The following MCF2L variants were observed in gnomAD, a reference collection of about 807,000 sequenced individuals.
MCF2L encodes guanine nucleotide exchange factor DBS.
MCF2L carries 97 observed loss-of-function variants against 153.4 expected under a neutral mutation model. The observed-to-expected ratio is 0.63, with a 90% CI of 0.54 to 0.75. The LOEUF is 0.75. Among genes scored for constraint, MCF2L ranks in the 30% least tolerant of loss-of-function variants. The pLI is 0.00. For missense variants in MCF2L, 1,347 were observed against 1,495.2 expected (o/e 0.90, Z 1.64); for synonymous variants, 659 against 632.2 (o/e 1.04, Z -0.64).
Position 113,014,777 on chromosome 13 carries a change from C to T in MCF2L, c.94C>T (p.Gln32Ter). ...VSKHTDEIMH[Q>*]DIVPLCAADI... ...TTTCCGTGCAGATGAAATCATGCAC[C>T]AGGACATCGTCCCGCTCTGTGCTGC... is the stretch of plus-strand genomic sequence containing the variant. The change falls in exon 2 of 30, where the codon CAG becomes TAG. Residue 32 changes from glutamine to a stop codon, truncating the protein, a stop_gained. Coordinates refer to ENST00000535094, the MANE Select transcript of MCF2L (RefSeq NM_001112732.3). LOFTEE classifies it high-confidence loss of function. 6.2e-7 allele frequency: 1 copy of T among 1,613,952 alleles called. No homozygotes were observed. Among genetic ancestry groups the T allele is most frequent in the Non-Finnish European group, 8.5e-7 (1 of 1,179,952 alleles).
intron 2 of MCF2L, among the ~76,000 whole-genome samples, chr13:112,923,257 C>CTTTTTTTTTTTTTTTTT (rs57030206): frequency 1.3e-5 from 1 of 78,446 alleles, no homozygotes; most frequent in African/African-American, 5.2e-5. Flanking sequence ...GTGTTTGCTT[C>CTTTTTTTTTTTTTTTTT]TTTTTTTTTT....
intron 1 of MCF2L, among the ~76,000 whole-genome samples, chr13:112,989,099 CTACCACACCGGAGTCCTCCCTGAGCAGGG>C (rs1397020507): frequency 0.036 from 3,540 of 97,422 alleles, 1,058 homozygotes; most frequent in Non-Finnish European, 0.039. Context: ...GGGGATGGAG[CTACCACACCGGAGTCCTCCCTGAGCAGGG>C]GATGGAGCTA....
intron 18 of MCF2L, 83 bp from the exon 19 acceptor site, chr13:113,084,809 C>T (rs1182532977): frequency 3.0e-6 from 3 of 1,015,704 alleles, no homozygotes; most frequent in East Asian, 2.4e-5. Flanking sequence ...CGTCCCTCAC[C>T]GCGTAATGCG....
chr13:112,902,409 G>A, intron 2 of MCF2L: 3 of 1,598,916 alleles, frequency 1.9e-6, no homozygotes, highest in Admixed American at 1.7e-5. Flanking sequence ...TGATTTTGCA[G>A]GTCTCACTGC....
intron 1 of MCF2L, among the ~76,000 whole-genome samples, chr13:112,974,197 G>T (rs2082142137): frequency 6.6e-6 from 1 of 152,182 alleles, no homozygotes; most frequent in African/African-American, 2.4e-5. Context: ...CTAAGGGTAA[G>T]ACCACCTTCT....
At chr13:113,073,653 A>G (rs1018121167) in intron 9 of MCF2L, among the ~76,000 whole-genome samples, 3 of 152,218 alleles carry the variant, frequency 2.0e-5, no homozygotes, top group Non-Finnish European at 2.9e-5. Context: ...GGTGGCTCAC[A>G]CCTGTAATCC....
intron 1 of MCF2L, among the ~76,000 whole-genome samples, chr13:112,998,362 C>T (rs907508923): frequency 3.3e-5 from 5 of 152,070 alleles, no homozygotes; most frequent in Non-Finnish European, 7.4e-5. Flanking sequence ...CCAGGCCAAG[C>T]GTGAGGAGGC....
chr13:112,935,089 C>T (rs1318068673), intron 2 of MCF2L, among the ~76,000 whole-genome samples: 1 of 152,164 alleles, frequency 6.6e-6, no homozygotes, highest in Admixed American at 6.5e-5. Context: ...GGGGCACTGC[C>T]AATGTATGTA....
chr13:112,952,478 T>G (rs997808814), intron 2 of MCF2L, among the ~76,000 whole-genome samples: 1 of 152,220 alleles, frequency 6.6e-6, no homozygotes, highest in Non-Finnish European at 1.5e-5. Context: ...CTCCGTTTTC[T>G]TCAAATGTTT....
At chr13:112,991,051 C>G (rs2082877763) in intron 1 of MCF2L, among the ~76,000 whole-genome samples, 1 of 152,198 alleles carries the variant, frequency 6.6e-6, no homozygotes, top group South Asian at 2.1e-4. Context: ...GGCTCTGCAC[C>G]TGGGGCTCTG....
At chr13:113,095,224 C>T (rs2035548176) in intron 27 of MCF2L, 2 of 1,220,364 alleles carry the variant, frequency 1.6e-6, no homozygotes, top group Non-Finnish European at 2.1e-6. Flanking sequence ...CAAGAAGTGT[C>T]TGCTGCACCT....
intron 9 of MCF2L, among the ~76,000 whole-genome samples, chr13:113,072,195 C>A (rs542442062): frequency 6.6e-6 from 1 of 152,188 alleles, no homozygotes; most frequent in Non-Finnish European, 1.5e-5. Context: ...TTGTCTCCTG[C>A]GACCTTGCTG....
chr13:113,035,414 C>A lies in MCF2L; in HGVS notation c.279-9857C>A, dbSNP rs562067299. 6.6e-5 allele frequency among the ~76,000 whole-genome samples: 10 copies of A among 152,290 alleles called. No homozygotes were observed. Among genetic ancestry groups the A allele is most frequent in the Admixed American group, 3.3e-4 (5 of 15,308 alleles). On this transcript the variant is annotated intron_variant, in intron 3 of 29. Transcript: ENST00000535094. This position sits in a 1 kb window ranked among gnomAD's most constrained non-coding sequence, Gnocchi z 4.4. Reference sequence around the variant, plus strand: ...CCTGCAGCCACAGAGACTTCCTTGGCGGGAAACCAGGTCCTCTGACCTCAC... The same window carrying A: ...CCTGCAGCCACAGAGACTTCCTTGGAGGGAAACCAGGTCCTCTGACCTCAC...
At position 112,951,479 on chromosome 13, in the gene MCF2L, A is replaced by G. The variant is rs924449417; in HGVS notation, c.169+49108A>G. On this transcript the variant is annotated intron_variant, in intron 2 of 29. Coordinates refer to the MCF2L transcript ENST00000375608. This position sits in a 1 kb window ranked among gnomAD's most constrained non-coding sequence, Gnocchi z 4.8. ...ATGTCTTTTGGTGGGTGAAACGTTA[A>G]ATTGTACGTCCGCACCATGAACTAT... 2.0e-5 allele frequency among the ~76,000 whole-genome samples: 3 copies of G among 152,230 alleles called. No individual in the cohort carries two copies. The highest frequency in any genetic ancestry group is 7.2e-5 in the African/African-American group (3 of 41,462).
rs2085388033 is a variant in MCF2L at position 113,027,537 on chromosome 13, T to G, written c.278+2779T>G. Among the ~76,000 whole-genome samples the G allele has an allele frequency of 6.6e-6, 1 of 152,082 alleles. No homozygotes were observed. The highest frequency in any genetic ancestry group is 1.5e-5 in the Non-Finnish European group (1 of 68,028). On this transcript the variant is annotated intron_variant, in intron 3 of 29. Transcript: ENST00000535094. The surrounding 1 kb of genome is among the most constrained non-coding windows in gnomAD (Gnocchi z 4.8). ...GTTGGGTTTGTGGTTTTGACCTCAG[T>G]CTCTTGTCTGTTGTGAGAATCTTGC...
chr13:112,944,408 C>T (rs2081613749), intron 2 of MCF2L, among the ~76,000 whole-genome samples: 1 of 151,974 alleles, frequency 6.6e-6, no homozygotes, highest in Admixed American at 6.6e-5. Flanking sequence ...TGTTACTGCT[C>T]CATCTGGCCT....
Position 112,969,386 on chromosome 13 carries a change from T to G in MCF2L, c.7T>G (p.Phe3Val), listed in dbSNP as rs1594405494. 6.5e-7 allele frequency: 1 copy of G among 1,549,828 alleles called. No individual in the cohort carries two copies. Residue 3 changes from phenylalanine (F) to valine (V), a missense_variant, in exon 1 of 30, where the codon TTT becomes GTT. Physicochemically the swap from Phe to Val is conservative, Grantham distance 50. Coordinates refer to ENST00000535094, the MANE Select transcript of MCF2L (RefSeq NM_001112732.3). This position sits in a 1 kb window ranked among gnomAD's most constrained non-coding sequence, Gnocchi z 4.8. The stretch of plus-strand genomic sequence containing the variant: ...ATTTTTGTTGTGTCGGAGGATGAGG[T>G]TTTGGCTGAGGACTGAAGAGATGGC... MR[F>V]WLRTEEMALE...
Position 113,099,304 on chromosome 13 carries a change from A to T in MCF2L, c.*2445A>T, listed in dbSNP as rs1262323565. 6.6e-6 allele frequency: 1 copy of T among 152,232 alleles called. No individual in the cohort carries two copies. The highest frequency in any genetic ancestry group is 1.5e-5 in the Non-Finnish European group (1 of 68,038). The allele number at this position is 152,232 out of a possible 1,614,324, so 9.4% of individuals were successfully genotyped here. A position where few individuals can be genotyped will look rare whatever the true frequency, so the allele number is the denominator to read the frequency against. ...CCCTAAACGTAGAGAAATCTGCGTT[A>T]TTTTCCAGCACACATGGAGCACAAA... On this transcript the variant is annotated 3_prime_UTR_variant, in exon 30 of 30. Coordinates refer to ENST00000535094, the MANE Select transcript of MCF2L (RefSeq NM_001112732.3).
chr13:112,968,098 T>TTCTC (rs533754876), upstream of MCF2L: 7 of 200,176 alleles, frequency 3.5e-5, no homozygotes, highest in Non-Finnish European at 6.9e-5. Context: ...CCTGCTGGAA[T>TTCTC]TCTCTCTCTC....
Sources: gnomAD v4.1 joint callset for allele counts (sites outside exome capture counted in the v4.1 genomes callset) on GRCh38, gnomAD v4.1.1 for gene constraint, Gnocchi (gnomAD v3.1) non-coding constraint, MANE v1.5 for transcripts, NCBI Gene and HGNC (gene_info 2026-07-23, HGNC 2026-07-21) for gene names.